The following ARHGAP12 variants were observed in gnomAD, a reference collection of about 807,000 sequenced individuals.
ARHGAP12 encodes rho GTPase-activating protein 12.
Under a neutral mutation model 108.6 loss-of-function variants are expected in ARHGAP12, and 64 were observed. The ratio of observed to expected loss-of-function variants is 0.59; its 90% CI spans 0.48 to 0.73. The LOEUF is 0.73. Ranked by LOEUF, ARHGAP12 falls within the 30% of genes least tolerant of loss-of-function variation. The pLI, the probability that ARHGAP12 is intolerant of heterozygous loss-of-function variation, is 0.00. For missense variants in ARHGAP12, 940 were observed against 1,005.9 expected (o/e 0.93, Z 0.89); for synonymous variants, 312 against 337.2 (o/e 0.93, Z 0.82).
intron 1 of ARHGAP12, among the ~76,000 whole-genome samples, chr10:31,926,024 T>C (rs1417350032): frequency 7.3e-6 from 1 of 137,842 alleles, no homozygotes; most frequent in Non-Finnish European, 1.5e-5. Flanking sequence ...ACAAGTAATT[T>C]ATATAGGCAT....
chr10:31,819,474 A>G (rs1346770257), intron 12 of ARHGAP12, among the ~76,000 whole-genome samples: 1 of 152,226 alleles, frequency 6.6e-6, no homozygotes, highest in Non-Finnish European at 1.5e-5. Context: ...TCTTCTGTCA[A>G]TAGGCTGCCT....
chr10:31,810,578 G>C lies in ARHGAP12; in HGVS notation c.2050+71C>G, dbSNP rs1008524926. 3.7e-6 allele frequency: 4 copies of C among 1,066,858 alleles called. No individual in the cohort carries two copies. The African/African-American group carries it at 6.5e-5, about 17-fold the overall frequency. The allele number at this position is 1,066,858 out of a possible 1,614,324, so 66.1% of individuals were successfully genotyped here. On this transcript the variant is annotated intron_variant, in intron 16 of 19. Coordinates refer to ENST00000344936, the MANE Select transcript of ARHGAP12 (RefSeq NM_018287.7). ...ATCACTCAAAATCATAAAAATTCTA[G>C]GAATTTTGATGGCAAAACAAGAAGC...
At position 31,878,739 on chromosome 10, in the gene ARHGAP12, T is replaced by G. The variant is rs114278106; in HGVS notation, c.685-17081A>C. ...AGGTTCTCATGCTACAATGGCAGAG[T>G]TGAACACTTGCAACAGAGACCACAT... On this transcript the variant is annotated intron_variant, in intron 3 of 19. Coordinates refer to ENST00000344936, the MANE Select transcript of ARHGAP12 (RefSeq NM_018287.7). 7.7e-3 allele frequency among the ~76,000 whole-genome samples: 1,166 copies of G among 152,284 alleles called. 13 individuals carry two copies. Among genetic ancestry groups the G allele is most frequent in the African/African-American group, 0.027 (1,120 of 41,552 alleles).
intron 4 of ARHGAP12, among the ~76,000 whole-genome samples, chr10:31,854,853 G>A (rs959944708): frequency 1.3e-5 from 2 of 150,958 alleles, no homozygotes; most frequent in Admixed American, 1.3e-4. Context: ...TAGGGGCCAG[G>A]AACGGTGGCT....
intron 6 of ARHGAP12, among the ~76,000 whole-genome samples, chr10:31,848,790 C>T (rs1836561706): frequency 6.6e-6 from 1 of 152,118 alleles, no homozygotes. Flanking sequence ...ACATTACTTT[C>T]GGCTAGGCGC....
chr10:31,905,199 A>C (rs2808033), intron 3 of ARHGAP12, among the ~76,000 whole-genome samples: 1 of 151,940 alleles, frequency 6.6e-6, no homozygotes, highest in Non-Finnish European at 1.5e-5. Flanking sequence ...AAATTTGGCA[A>C]CTGATTATTA....
intron 1 of ARHGAP12, among the ~76,000 whole-genome samples, chr10:31,915,771 C>T (rs1032169169): frequency 6.6e-6 from 1 of 151,848 alleles, no homozygotes; most frequent in Non-Finnish European, 1.5e-5. Context: ...AAATAATTTA[C>T]GTTTAAAAAA....
chr10:31,820,962 A>G (rs1236034339), intron 11 of ARHGAP12, among the ~76,000 whole-genome samples: 5 of 152,108 alleles, frequency 3.3e-5, no homozygotes, highest in Non-Finnish European at 7.4e-5. Flanking sequence ...ACTACACATG[A>G]CTATGTAAAA....
At chr10:31,913,526 G>A in intron 1 of ARHGAP12, 1 of 168,394 alleles carries the variant, frequency 5.9e-6, no homozygotes. Context: ...AAAGAAACTG[G>A]GAGAGCTGCA....
chr10:31,861,556 G>C lies in ARHGAP12; in HGVS notation c.787C>G (p.Pro263Ala). 6.2e-7 allele frequency: 1 copy of C among 1,614,132 alleles called. No individual in the cohort carries two copies. The highest frequency in any genetic ancestry group is 8.5e-7 in the Non-Finnish European group (1 of 1,180,028). ...CATTCTCCATTAATCTGAATTGCCGGGCTCCCAGGAAGTGGGGGAAGAGCA... is the reference window on the plus strand; with the variant it reads ...CATTCTCCATTAATCTGAATTGCCGCGCTCCCAGGAAGTGGGGGAAGAGCA... ...QSALPPLPGS[P>A]AIQINGEWET... Residue 263 changes from proline (P) to alanine (A), a missense_variant, in exon 4 of 20, where the codon CCG becomes GCG. By Grantham distance (27) the Pro-to-Ala change is conservative. Transcript: ENST00000344936.
intron 3 of ARHGAP12, among the ~76,000 whole-genome samples, chr10:31,884,455 T>C (rs888194787): frequency 5.3e-5 from 8 of 152,200 alleles, no homozygotes; most frequent in Admixed American, 2.0e-4. Context: ...CTTATAGATA[T>C]GTCGGACAAG....
rs1003524556 is a variant in ARHGAP12, at chr10:31,861,677, T to A, written c.685-19A>T. The A allele has an allele frequency of 6.4e-7, 1 of 1,564,968 alleles. No individual in the cohort carries two copies. Among genetic ancestry groups the A allele is most frequent in the African/African-American group, 1.4e-5 (1 of 72,526 alleles). On this transcript the variant is annotated intron_variant, in intron 3 of 19. Transcript: ENST00000344936. Reference sequence around the variant, plus strand: ...TGGTTGCCTGTGAAATAAACATTTTTAAATTTCATGTTTAAACTGGTATAA... The same window carrying A: ...TGGTTGCCTGTGAAATAAACATTTTAAAATTTCATGTTTAAACTGGTATAA...
intron 3 of ARHGAP12, among the ~76,000 whole-genome samples, chr10:31,900,023 A>G (rs1283659491): frequency 6.6e-6 from 1 of 152,222 alleles, no homozygotes; most frequent in East Asian, 1.9e-4. Flanking sequence ...AAACTCATCA[A>G]TAAGAAAACA....
chr10:31,846,102 A>G (rs999734076), intron 6 of ARHGAP12, among the ~76,000 whole-genome samples: 1 of 150,326 alleles, frequency 6.7e-6, no homozygotes, highest in South Asian at 2.1e-4. Flanking sequence ...TCAGTCTACT[A>G]GTATCAACAT....
Position 31,854,199 on chromosome 10 carries a change from G to A in ARHGAP12, c.956C>T (p.Ser319Leu). 6.2e-7 allele frequency: 1 copy of A among 1,603,998 alleles called. No individual in the cohort carries two copies. ...AGTGCTGTAGTAGTTTTCTTCCGAT[G>A]AAAGAAGCTACAAATAGTCAGAAAC... ...FQNPGDQELL[S>L]SEENYYSTSY... Residue 319 changes from serine (S) to leucine (L), a missense_variant, in exon 5 of 20, where the codon TCA becomes TTA. By Grantham distance (145) the Ser-to-Leu change is moderately radical. Transcript: ENST00000344936.
At position 31,814,340 on chromosome 10, in the gene ARHGAP12, T is replaced by C. The variant is rs1835126242; in HGVS notation, c.1753A>G (p.Ile585Val). The part of the protein sequence containing the change: ...NNQAVETDEG[I>V]EEEIPDSPGI... ...GGTGAATCCGGTATCTCCTCTTCAA[T>C]TCCTTCATCAGTTTCTACTGCCTAT... Residue 585 changes from isoleucine (I) to valine (V), a missense_variant, in exon 14 of 20, where the codon ATT (isoleucine) becomes GTT (valine). Transcript: ENST00000344936. 6.2e-7 allele frequency: 1 copy of C among 1,613,818 alleles called. No individual in the cohort carries two copies. Among genetic ancestry groups the C allele is most frequent in the Non-Finnish European group, 8.5e-7 (1 of 1,179,736 alleles).
chr10:31,897,087 ACTTCCAAAAACAACATCAG>A (rs1838728784), intron 3 of ARHGAP12, among the ~76,000 whole-genome samples: 1 of 152,216 alleles, frequency 6.6e-6, no homozygotes, highest in South Asian at 2.1e-4. Flanking sequence ...TGTGGGGTTT[ACTTCCAAAAACAACATCAG>A]CTTCCTACAG....
chr10:31,854,253 T>A, intron 4 of ARHGAP12, 47 bp from the exon 5 acceptor site: 1 of 1,496,548 alleles, frequency 6.7e-7, no homozygotes, highest in Non-Finnish European at 9.0e-7. Context: ...TGAATATAAA[T>A]ATGAATTGGT....
intron 4 of ARHGAP12, among the ~76,000 whole-genome samples, chr10:31,859,249 G>T (rs767845160): frequency 6.6e-6 from 1 of 152,142 alleles, no homozygotes; most frequent in Non-Finnish European, 1.5e-5. Context: ...AGCCCTTACC[G>T]TGTATAGGCA....
Sources: gnomAD v4.1 joint callset for allele counts (sites outside exome capture counted in the v4.1 genomes callset) on GRCh38, gnomAD v4.1.1 for gene constraint, MANE v1.5 for transcripts, NCBI Gene and HGNC (gene_info 2026-07-23, HGNC 2026-07-21) for gene names.